Variants in POLR1A observed in about 807,000 individuals in gnomAD.
The protein encoded by POLR1A is DNA-directed RNA polymerase I subunit RPA1.
Under a neutral mutation model 205.3 loss-of-function variants are expected in POLR1A, and 84 were observed. That is an observed-to-expected ratio of 0.41 (90% confidence interval 0.34 to 0.49). POLR1A has a LOEUF of 0.49. Ranked by LOEUF, POLR1A falls within the 20% of genes least tolerant of loss-of-function variation. The probability of loss-of-function intolerance (pLI) is 0.22; values close to 1 mark genes in which losing one functional copy is unlikely to be tolerated. For missense variants in POLR1A, 1,645 were observed against 2,204.5 expected, an observed-to-expected ratio of 0.75 and a Z score of 5.08; for synonymous variants, 799 against 863.7, an observed-to-expected ratio of 0.93 and a Z score of 1.31.
At position 86,042,083 on chromosome 2, in the gene POLR1A, C is replaced by A; in HGVS notation, c.3378G>T (p.Glu1126Asp). ...GTQEMLRMWY[E>D]LDEESRRKYQ... The stretch of plus-strand genomic sequence containing the variant: ...ATTTCCTTCGGCTTTCCTCATCCAA[C>A]TCATACCACATCCTCAGCATCTGAA... Residue 1126 changes from glutamate (E) to aspartate (D), a missense_variant, in exon 24 of 34, where the codon GAG (glutamate) becomes GAT (aspartate). Coordinates refer to ENST00000263857, the MANE Select transcript of POLR1A (RefSeq NM_015425.6). 6.2e-7 allele frequency: 1 copy of A among 1,612,642 alleles called. No homozygotes were observed. Among genetic ancestry groups the A allele is most frequent in the South Asian group, 1.1e-5 (1 of 91,014 alleles).
intron 16 of POLR1A, among the ~76,000 whole-genome samples, chr2:86,051,963 G>A (rs773175812): frequency 2.0e-5 from 3 of 152,194 alleles, no homozygotes; most frequent in Non-Finnish European, 4.4e-5. Context: ...GGGAAGGCGT[G>A]GGCAGTTCTT....
In POLR1A at chr2:86,028,237, C is replaced by G. The variant is rs995880836; in HGVS notation, c.4898-188G>C. The stretch of plus-strand genomic sequence containing the variant: ...TGGTCTGGGGCATCTTTCCCTGACC[C>G]CTGCATCCTGCTTCCCGCTTCCTTC... On this transcript the variant is annotated intron_variant, in intron 32 of 33. Coordinates refer to ENST00000263857, the MANE Select transcript of POLR1A (RefSeq NM_015425.6). The surrounding 1 kb of genome is among the most constrained non-coding windows in gnomAD (Gnocchi z 4.5). 1.3e-5 allele frequency among the ~76,000 whole-genome samples: 2 copies of G among 152,192 alleles called. No individual in the cohort carries two copies. The highest frequency in any genetic ancestry group is 2.9e-5 in the Non-Finnish European group (2 of 68,038).
intron 16 of POLR1A, among the ~76,000 whole-genome samples, chr2:86,049,447 T>C (rs1573810937): frequency 6.6e-6 from 1 of 152,188 alleles, no homozygotes; most frequent in South Asian, 2.1e-4. Context: ...ATCCCCATTT[T>C]ACAAATGACA....
intron 13 of POLR1A, among the ~76,000 whole-genome samples, chr2:86,068,386 C>CGGCGG (rs1553436016): frequency 8.2e-5 from 1 of 12,240 alleles, no homozygotes; most frequent in African/African-American, 4.5e-4. Flanking sequence ...AGCACATGGG[C>CGGCGG]GGGGGGGGGG....
chr2:86,078,222 G>C lies in POLR1A; in HGVS notation c.1149C>G (p.Leu383=). 6.2e-7 allele frequency: 1 copy of C among 1,612,614 alleles called. No homozygotes were observed. The highest frequency in any genetic ancestry group is 1.1e-5 in the South Asian group (1 of 90,656). Residue 383 remains leucine, a synonymous_variant, in exon 10 of 34, where the codon CTC becomes CTG. Transcript: ENST00000263857. ...TCCAAATGTTGTAAAGTTTGTCTAT[G>C]AGGGACTGGCCTGGAAGTGTACTCA... ...SFLSTLPGQS[L]IDKLYNIWIR... is the part of the protein sequence containing the mutation.
intron 14 of POLR1A, among the ~76,000 whole-genome samples, chr2:86,063,579 A>G (rs1179961318): frequency 1.3e-5 from 2 of 152,310 alleles, no homozygotes; most frequent in East Asian, 3.9e-4. Flanking sequence ...CTACAGACCA[A>G]TATCTATCAC....
intron 24 of POLR1A, 85 bp downstream of exon 24, chr2:86,041,804 C>T (rs530351644): frequency 8.9e-4 from 1,064 of 1,193,790 alleles, no homozygotes; most frequent in Middle Eastern, 2.8e-3. Flanking sequence ...AGCCCTCTTC[C>T]GGAGTGAGTA....
chr2:86,033,781 A>G lies in POLR1A; in HGVS notation c.4041T>C (p.Phe1347=), dbSNP rs549815100. ...DILRFMETRF[F]KLLMESIKKK... ...TTTTGATGGATTCCATCAGAAGTTT[A>G]AAGAATCTAAAACAAGAAGAAAGCC... is the stretch of plus-strand genomic sequence containing the variant. Residue 1347 remains phenylalanine, a synonymous_variant, in exon 28 of 34, where the codon TTT becomes TTC. Transcript: ENST00000263857. 2.4e-5 allele frequency: 38 copies of G among 1,614,012 alleles called. No individual in the cohort carries two copies. The South Asian group carries it at 4.2e-4, about 18-fold the overall frequency.
chr2:86,030,333 C>G lies in POLR1A; in HGVS notation c.4642G>C (p.Ala1548Pro). ...GTCGCATAGATGACGGCACCATGGG[C>G]CAAAGATACTACCAGGGAGCTCATG... ...FDMSSLVVSL[A>P]HGAVIYATKG... Residue 1548 changes from alanine to proline, a missense_variant, in exon 31 of 34, where the codon GCC becomes CCC. By Grantham distance (27) the Ala-to-Pro change is conservative. Around this residue, in one of 16 missense-constraint regions of POLR1A, gnomAD observed 394 missense variants for 468.5 expected, o/e 0.84. Transcript: ENST00000263857. 6.2e-7 allele frequency: 1 copy of G among 1,614,074 alleles called. No homozygotes were observed. The highest frequency in any genetic ancestry group is 8.5e-7 in the Non-Finnish European group (1 of 1,179,966).
chr2:86,034,133 C>T (rs116014634), intron 27 of POLR1A, among the ~76,000 whole-genome samples: 1,585 of 152,324 alleles, frequency 0.01, 27 homozygotes, highest in African/African-American at 0.036. Context: ...TGAGAAACAA[C>T]CCTATGTCTG....
chr2:86,079,686 C>T (rs570137605), intron 9 of POLR1A, among the ~76,000 whole-genome samples: 1 of 151,668 alleles, frequency 6.6e-6, no homozygotes, highest in Non-Finnish European at 1.5e-5. Flanking sequence ...CCTCAGCCCC[C>T]TGAGTAGCTG....
At chr2:86,060,199 T>A (rs574742117) in intron 14 of POLR1A, among the ~76,000 whole-genome samples, 1 of 152,318 alleles carries the variant, frequency 6.6e-6, no homozygotes, top group South Asian at 2.1e-4. Context: ...ATAATTTAGA[T>A]GACTCAATAG....
chr2:86,105,196 G>T (rs1433008911), intron 1 of POLR1A, among the ~76,000 whole-genome samples: 1 of 152,164 alleles, frequency 6.6e-6, no homozygotes, highest in African/African-American at 2.4e-5. Flanking sequence ...TCAAGAGAGT[G>T]CATTGGAGAA....
intron 1 of POLR1A, among the ~76,000 whole-genome samples, chr2:86,100,416 G>A (rs1673791283): frequency 6.6e-6 from 1 of 152,066 alleles, no homozygotes; most frequent in Non-Finnish European, 1.5e-5. Context: ...TGAATGAGTG[G>A]TAACTTCTTA....
intron 3 of POLR1A, among the ~76,000 whole-genome samples, chr2:86,092,518 T>C (rs1573834676): frequency 6.6e-6 from 1 of 152,218 alleles, no homozygotes; most frequent in South Asian, 2.1e-4. Flanking sequence ...CTCCAGGGCG[T>C]TTTAAAGAGA....
chr2:86,100,189 G>A lies in POLR1A; in HGVS notation c.78-17C>T. 6.3e-7 allele frequency: 1 copy of A among 1,593,776 alleles called. No individual in the cohort carries two copies. The highest frequency in any genetic ancestry group is 1.1e-5 in the South Asian group (1 of 90,662). ...CTTAATTTCCTAAGGGGATAAAAAA[G>A]ACCAAGAGGAAAGCTAAAGTTACCA... On this transcript the variant is annotated splice_polypyrimidine_tract_variant and intron_variant, in intron 1 of 33. Coordinates refer to ENST00000263857, the MANE Select transcript of POLR1A (RefSeq NM_015425.6).
chr2:86,075,238 T>A lies in POLR1A; in HGVS notation c.1403A>T (p.Tyr468Phe). The change falls in exon 12 of 34, where the codon TAC (tyrosine) becomes TTC (phenylalanine). Residue 468 changes from tyrosine (Y) to phenylalanine (F), a missense_variant. Transcript: ENST00000263857. ...IPMVFATKLT[Y>F]PQPVTPWNVQ... ...ATTCCATGGGGTAACTGGCTGTGGG[T>A]AGGTCAGTTTTGTGGCAAACACCTG... The A allele has an allele frequency of 1.2e-6, 2 of 1,608,724 alleles. No homozygotes were observed. Among genetic ancestry groups the A allele is most frequent in the South Asian group, 2.2e-5 (2 of 90,022 alleles).
In POLR1A at chr2:86,040,554, C is replaced by G; in HGVS notation, c.3578G>C (p.Arg1193Thr). 6.4e-7 allele frequency: 1 copy of G among 1,574,242 alleles called. No individual in the cohort carries two copies. The change falls in exon 25 of 34, where the codon AGG becomes ACG. Residue 1193 changes from arginine (R) to threonine (T), a missense_variant. Physicochemically the swap from Arg to Thr is moderately conservative, Grantham distance 71. Around this residue, in one of 16 missense-constraint regions of POLR1A, gnomAD observed 201 missense variants for 222.3 expected, o/e 0.90. Transcript: ENST00000263857. ...CTGCCACTTCAGCTGCAGCAAGGTC[C>G]TCAACCTAGAGACGGTGGTGGGGGG... is the stretch of plus-strand genomic sequence containing the variant. ...EKSELSLDRL[R>T]TLLQLKWQRS...
intron 14 of POLR1A, among the ~76,000 whole-genome samples, chr2:86,060,422 C>CA (rs1220434031): frequency 1.3e-5 from 2 of 151,922 alleles, no homozygotes; most frequent in Non-Finnish European, 2.9e-5. Flanking sequence ...TCTTGAAGAA[C>CA]AAAGCTGTAG....
Sources: gnomAD v4.1 joint callset for allele counts (sites outside exome capture counted in the v4.1 genomes callset) on GRCh38, gnomAD v4.1.1 for gene constraint, gnomAD v4.1.1 regional missense constraint, Gnocchi (gnomAD v3.1) non-coding constraint, MANE v1.5 for transcripts, NCBI Gene and HGNC (gene_info 2026-07-23, HGNC 2026-07-21) for gene names.